The following NUBPL variants were observed in gnomAD, a reference collection of about 807,000 sequenced individuals.
The protein encoded by NUBPL is NUBP iron-sulfur cluster assembly factor, mitochondrial, also known as iron-sulfur cluster transfer protein NUBPL.
In NUBPL, 31 loss-of-function variants were observed where a neutral mutation model predicts 45.7. The ratio of observed to expected loss-of-function variants is 0.68; its 90% CI spans 0.51 to 0.92. NUBPL has a LOEUF of 0.92. Ranked by LOEUF, NUBPL falls within the 40% of genes least tolerant of loss-of-function variation. NUBPL has a pLI of 0.00. For synonymous variants in NUBPL, 144 were observed against 140.9 expected (o/e 1.02, Z -0.15); for missense variants, 401 against 398.7 (o/e 1.01, Z -0.05).
chr14:31,755,278 A>T (rs1357397108), intron 6 of NUBPL, among the ~76,000 whole-genome samples: 1 of 151,988 alleles, frequency 6.6e-6, no homozygotes, highest in Non-Finnish European at 1.5e-5. Flanking sequence ...CGCCACACTG[A>T]CTTCCACAAT....
chr14:31,660,328 C>G (rs1293901542), intron 4 of NUBPL, among the ~76,000 whole-genome samples: 1 of 152,158 alleles, frequency 6.6e-6, no homozygotes, highest in Non-Finnish European at 1.5e-5. Flanking sequence ...CACTTTGTCT[C>G]ACACAGCCAC....
intron 4 of NUBPL, among the ~76,000 whole-genome samples, chr14:31,624,077 G>A (rs1229686214): frequency 1.3e-5 from 2 of 152,168 alleles, no homozygotes; most frequent in Non-Finnish European, 2.9e-5. Context: ...CAGTTGGGAT[G>A]TTATGCAGTG....
At chr14:31,724,639 G>A (rs2037880445) in intron 6 of NUBPL, among the ~76,000 whole-genome samples, 1 of 152,128 alleles carries the variant, frequency 6.6e-6, no homozygotes, top group South Asian at 2.1e-4. Flanking sequence ...CTTTTTACTT[G>A]AATTATTTCA....
chr14:31,666,252 TATATATA>T (rs1566487107), intron 4 of NUBPL, among the ~76,000 whole-genome samples: 694 of 44,600 alleles, frequency 0.016, 85 homozygotes, highest in Non-Finnish European at 0.016. Context: ...TATATATATA[TATATATA>T]TATAATTTTA....
At chr14:31,818,421 TC>T (rs1350666555) in intron 7 of NUBPL, among the ~76,000 whole-genome samples, 4 of 152,240 alleles carry the variant, frequency 2.6e-5, no homozygotes, top group Non-Finnish European at 5.9e-5. Context: ...TCACATGCTA[TC>T]TCTCACCAGT....
At chr14:31,626,316 A>AT (rs1437977661) in intron 4 of NUBPL, among the ~76,000 whole-genome samples, 5 of 151,934 alleles carry the variant, frequency 3.3e-5, no homozygotes, top group East Asian at 3.9e-4. Flanking sequence ...TAATTTTTGT[A>AT]TTTTTAGTAG....
At chr14:31,792,597 G>A (rs1174884161) in intron 7 of NUBPL, among the ~76,000 whole-genome samples, 2 of 151,984 alleles carry the variant, frequency 1.3e-5, no homozygotes, top group Non-Finnish European at 2.9e-5. Flanking sequence ...TATTAAAATG[G>A]ATAACAATGA....
chr14:31,565,186 A>G (rs2033404411), intron 3 of NUBPL, 138 bp downstream of exon 3: 3 of 529,932 alleles, frequency 5.7e-6, no homozygotes, highest in Non-Finnish European at 1.0e-5. Context: ...AAGGAACTCA[A>G]TGCTGCCATC....
intron 6 of NUBPL, among the ~76,000 whole-genome samples, chr14:31,721,111 G>A (rs974001482): frequency 2.8e-4 from 42 of 152,108 alleles, no homozygotes; most frequent in African/African-American, 9.4e-4. Flanking sequence ...GGCAATGTTC[G>A]GAGGCTTTCA....
At chr14:31,713,544 G>A (rs185366933) in intron 6 of NUBPL, among the ~76,000 whole-genome samples, 6 of 152,226 alleles carry the variant, frequency 3.9e-5, no homozygotes, top group East Asian at 3.9e-4. Flanking sequence ...TTCAGCATTC[G>A]ACTTTCTCTA....
intron 4 of NUBPL, among the ~76,000 whole-genome samples, chr14:31,644,070 T>C (rs1192797469): frequency 6.6e-6 from 1 of 152,028 alleles, no homozygotes; most frequent in African/African-American, 2.4e-5. Context: ...TTTGTCAATT[T>C]TGCTTGTCTT....
intron 6 of NUBPL, among the ~76,000 whole-genome samples, chr14:31,690,933 A>G (rs1383834700): frequency 6.6e-6 from 1 of 152,224 alleles, no homozygotes; most frequent in African/African-American, 2.4e-5. Context: ...ATTAGACAAC[A>G]TGGCATAAGG....
chr14:31,848,517 T>C (rs17464726), intron 9 of NUBPL, among the ~76,000 whole-genome samples: 15,390 of 152,200 alleles, frequency 0.1, 949 homozygotes, highest in Non-Finnish European at 0.14. Context: ...CAGGGACAGT[T>C]TATGCATAGT....
intron 3 of NUBPL, among the ~76,000 whole-genome samples, chr14:31,569,625 A>G (rs907260650): frequency 1.3e-5 from 2 of 152,206 alleles, no homozygotes; most frequent in Non-Finnish European, 2.9e-5. Context: ...GATCATGTGT[A>G]CTATGCATAT....
chr14:31,758,097 T>C (rs1212689365), intron 6 of NUBPL, among the ~76,000 whole-genome samples: 1 of 152,194 alleles, frequency 6.6e-6, no homozygotes, highest in Admixed American at 6.5e-5. Flanking sequence ...ATGCTCATCA[T>C]GATTTGATGT....
chr14:31,694,176 A>T (rs1045833938), intron 6 of NUBPL, among the ~76,000 whole-genome samples: 3 of 152,126 alleles, frequency 2.0e-5, no homozygotes, highest in African/African-American at 7.2e-5. Context: ...GACTTTCTAT[A>T]TAATATAGTT....
intron 4 of NUBPL, among the ~76,000 whole-genome samples, chr14:31,672,290 TG>T (rs2036590202): frequency 6.6e-6 from 1 of 151,862 alleles, no homozygotes; most frequent in Non-Finnish European, 1.5e-5. Context: ...TGTGTGTGTG[TG>T]TGTGTGTGTG....
chr14:31,734,199 T>C (rs912215638), intron 6 of NUBPL, among the ~76,000 whole-genome samples: 1 of 152,220 alleles, frequency 6.6e-6, no homozygotes, highest in Non-Finnish European at 1.5e-5. Context: ...TGTTCTATAA[T>C]TTTCTTCACA....
At chr14:31,658,207 T>C (rs985632289) in intron 4 of NUBPL, among the ~76,000 whole-genome samples, 3 of 152,214 alleles carry the variant, frequency 2.0e-5, no homozygotes, top group African/African-American at 4.8e-5. Context: ...CTCATGTATG[T>C]TGGAGTAACT....
Sources: gnomAD v4.1 joint callset for allele counts (sites outside exome capture counted in the v4.1 genomes callset) on GRCh38, gnomAD v4.1.1 for gene constraint, MANE v1.5 for transcripts, NCBI Gene and HGNC (gene_info 2026-07-23, HGNC 2026-07-21) for gene names.